NEO1: variants seen among roughly 807,000 people sequenced by gnomAD.
NEO1 encodes neogenin 1.
A neutral mutation model predicts 159.7 loss-of-function variants in NEO1; 63 were observed. The observed-to-expected ratio is 0.39, with a 90% CI of 0.32 to 0.49. The LOEUF (loss-of-function observed/expected upper bound fraction) is 0.49, where lower values mean the gene tolerates loss of function less well. Ranked by LOEUF, NEO1 falls within the 20% of genes least tolerant of loss-of-function variation. The pLI is 0.85. For missense variants in NEO1, 1,615 were observed against 1,831.0 expected (o/e 0.88, Z 2.15); for synonymous variants, 633 against 662.0 (o/e 0.96, Z 0.67).
intron 23 of NEO1, among the ~76,000 whole-genome samples, chr15:73,284,032 A>G (rs1187604777): frequency 1.3e-5 from 2 of 152,160 alleles, no homozygotes; most frequent in Non-Finnish European, 2.9e-5. Context: ...GGTTGTGGCT[A>G]ATGGTCTAAG....
intron 22 of NEO1, among the ~76,000 whole-genome samples, chr15:73,278,444 G>A (rs2041519943): frequency 6.6e-6 from 1 of 152,112 alleles, no homozygotes; most frequent in Admixed American, 6.5e-5. Flanking sequence ...TCATCCTGTT[G>A]CCTACTGCCT....
At chr15:73,120,525 A>G (rs990929366) in intron 2 of NEO1, among the ~76,000 whole-genome samples, 1 of 151,994 alleles carries the variant, frequency 6.6e-6, no homozygotes, top group African/African-American at 2.4e-5. Context: ...TCTTCCTTAA[A>G]GAAACATATT....
intron 1 of NEO1, among the ~76,000 whole-genome samples, chr15:73,114,226 G>A (rs1033271929): frequency 1.3e-5 from 2 of 152,156 alleles, no homozygotes; most frequent in Non-Finnish European, 2.9e-5. Flanking sequence ...TGTGTGAAGA[G>A]GCGGGAGCGG....
chr15:73,191,433 A>C (rs2036229863), intron 7 of NEO1, among the ~76,000 whole-genome samples: 1 of 135,388 alleles, frequency 7.4e-6, no homozygotes, highest in South Asian at 2.4e-4. Flanking sequence ...AACTTTATGA[A>C]GCAAAGTTTG....
intron 7 of NEO1, among the ~76,000 whole-genome samples, chr15:73,189,245 C>G (rs2036107320): frequency 6.6e-6 from 1 of 152,100 alleles, no homozygotes; most frequent in Non-Finnish European, 1.5e-5. Context: ...GTTCCAGGAC[C>G]CACACATATA....
intron 1 of NEO1, among the ~76,000 whole-genome samples, chr15:73,085,663 CATTCT>C (rs1555424542): frequency 6.6e-6 from 1 of 152,046 alleles, no homozygotes; most frequent in Non-Finnish European, 1.5e-5. Flanking sequence ...TTGTTTTAGC[CATTCT>C]ATTAGGTATT....
At chr15:73,280,321 A>G (rs2041632225) in intron 22 of NEO1, among the ~76,000 whole-genome samples, 1 of 151,942 alleles carries the variant, frequency 6.6e-6, no homozygotes, top group Non-Finnish European at 1.5e-5. Context: ...AGTAGTCCAG[A>G]TGAGGCATAA....
At chr15:73,217,368 C>T (rs1230645509) in intron 7 of NEO1, among the ~76,000 whole-genome samples, 1 of 148,356 alleles carries the variant, frequency 6.7e-6, no homozygotes, top group African/African-American at 2.5e-5. Flanking sequence ...TAGTGTGATG[C>T]CTCCAGCTTT....
chr15:73,086,216 T>A (rs890918244), intron 1 of NEO1, among the ~76,000 whole-genome samples: 1 of 152,228 alleles, frequency 6.6e-6, no homozygotes. Flanking sequence ...TTAGGACTTA[T>A]GTCAGAAATC....
intron 23 of NEO1, among the ~76,000 whole-genome samples, chr15:73,285,014 G>T (rs1340923194): frequency 2.0e-5 from 3 of 151,774 alleles, no homozygotes; most frequent in Non-Finnish European, 4.4e-5. Flanking sequence ...CTATGAACTT[G>T]ATTTTATATC....
intron 11 of NEO1, among the ~76,000 whole-genome samples, chr15:73,251,573 C>G (rs2040074020): frequency 6.6e-6 from 1 of 151,250 alleles, no homozygotes; most frequent in Non-Finnish European, 1.5e-5. Context: ...GCGGTTATAC[C>G]TTAGCTAGTG....
At chr15:73,288,888 A>C (rs2042053148) in intron 24 of NEO1, among the ~76,000 whole-genome samples, 1 of 152,146 alleles carries the variant, frequency 6.6e-6, no homozygotes, top group Non-Finnish European at 1.5e-5. Context: ...TGGTATTCAG[A>C]ACATTCTTGG....
chr15:73,274,470 C>T (rs1408354867), intron 20 of NEO1, among the ~76,000 whole-genome samples: 2 of 152,096 alleles, frequency 1.3e-5, no homozygotes, highest in Non-Finnish European at 2.9e-5. Flanking sequence ...AAGCACTGAA[C>T]CAAGTAAGCC....
chr15:73,061,406 C>T (rs1484961486), intron 1 of NEO1, among the ~76,000 whole-genome samples: 1 of 152,132 alleles, frequency 6.6e-6, no homozygotes, highest in Non-Finnish European at 1.5e-5. Context: ...GGAGATAGAT[C>T]TTCCCTCAGA....
intron 7 of NEO1, among the ~76,000 whole-genome samples, chr15:73,180,924 G>A (rs1406803368): frequency 1.3e-5 from 2 of 152,058 alleles, no homozygotes; most frequent in African/African-American, 4.8e-5. Flanking sequence ...GCTAAAAGAA[G>A]GAATACAGTA....
intron 5 of NEO1, among the ~76,000 whole-genome samples, chr15:73,159,161 G>A (rs908202187): frequency 5.9e-5 from 9 of 152,234 alleles, no homozygotes; most frequent in Admixed American, 2.6e-4. Flanking sequence ...TATTTAGAAC[G>A]AGAAAAGAAA....
intron 1 of NEO1, among the ~76,000 whole-genome samples, chr15:73,098,343 A>G (rs1412538713): frequency 6.6e-6 from 1 of 152,192 alleles, no homozygotes; most frequent in Non-Finnish European, 1.5e-5. Context: ...TTTTTTAATT[A>G]TGTAAAATGT....
At chr15:73,249,317 A>G (rs2039955027) in intron 10 of NEO1, 109 bp downstream of exon 10, 2 of 1,255,680 alleles carry the variant, frequency 1.6e-6, no homozygotes, top group Non-Finnish European at 1.1e-6. Context: ...AAAAAGAAAC[A>G]TAGGAAATGA....
At chr15:73,104,434 CA>C (rs1262460250) in intron 1 of NEO1, among the ~76,000 whole-genome samples, 1 of 152,082 alleles carries the variant, frequency 6.6e-6, no homozygotes, top group Non-Finnish European at 1.5e-5. Context: ...TTAGAAATAG[CA>C]GTGAGAATTA....
Sources: allele counts gnomAD v4.1 joint callset (sites outside exome capture counted in the v4.1 genomes callset), GRCh38; gene constraint gnomAD v4.1.1; transcripts MANE v1.5; gene names NCBI Gene and HGNC (gene_info 2026-07-23, HGNC 2026-07-21).